DGKB: variants seen among roughly 807,000 people sequenced by gnomAD.
DGKB encodes the protein diacylglycerol kinase beta.
DGKB carries 67 observed loss-of-function variants against 114.3 expected under a neutral mutation model. The observed-to-expected ratio is 0.59, with a 90% CI of 0.48 to 0.72. The LOEUF (loss-of-function observed/expected upper bound fraction) is 0.72. Among genes scored for constraint, DGKB ranks in the 30% least tolerant of loss-of-function variants. The pLI is 0.00. For synonymous variants in DGKB, 398 were observed against 323.1 expected (o/e 1.23, Z -2.49); for missense variants, 907 against 975.2 (o/e 0.93, Z 0.93).
At chr7:14,644,691 T>A (rs1456293397) in intron 13 of DGKB, among the ~76,000 whole-genome samples, 1 of 152,062 alleles carries the variant, frequency 6.6e-6, no homozygotes, top group Non-Finnish European at 1.5e-5. Context: ...GTGAAGAAAC[T>A]CTATGTACAT....
At chr7:14,623,865 C>T (rs1198332510) in intron 14 of DGKB, among the ~76,000 whole-genome samples, 1 of 152,042 alleles carries the variant, frequency 6.6e-6, no homozygotes, top group East Asian at 1.9e-4. Context: ...AATCAGAATG[C>T]CTGAGTTGAA....
At chr7:14,378,792 G>A (rs1482007042) in intron 21 of DGKB, among the ~76,000 whole-genome samples, 1 of 151,936 alleles carries the variant, frequency 6.6e-6, no homozygotes, top group South Asian at 2.1e-4. Flanking sequence ...AATCAACAGT[G>A]TACTTAAAAA....
At chr7:14,881,292 T>C (rs2128213493) in intron 1 of DGKB, among the ~76,000 whole-genome samples, 1 of 152,276 alleles carries the variant, frequency 6.6e-6, no homozygotes, top group African/African-American at 2.4e-5. Flanking sequence ...TATAAATTGA[T>C]TGCTCTTATT....
At chr7:14,345,013 CCTTT>C (rs1812246287) in intron 22 of DGKB, among the ~76,000 whole-genome samples, 1 of 151,646 alleles carries the variant, frequency 6.6e-6, no homozygotes, top group African/African-American at 2.4e-5. Context: ...TTTTATCTTA[CCTTT>C]CTATCTGCAC....
intron 23 of DGKB, among the ~76,000 whole-genome samples, chr7:14,180,825 C>T (rs1782530355): frequency 6.6e-6 from 1 of 152,050 alleles, no homozygotes; most frequent in African/African-American, 2.4e-5. Context: ...ATGTGGTATC[C>T]TTTGGAACAT....
intron 20 of DGKB, among the ~76,000 whole-genome samples, chr7:14,527,350 T>A (rs990195943): frequency 6.6e-6 from 1 of 152,148 alleles, no homozygotes; most frequent in Admixed American, 6.6e-5. Context: ...CCTAGATAAA[T>A]ATTTGAAAAC....
intron 15 of DGKB, among the ~76,000 whole-genome samples, chr7:14,618,491 TTC>T (rs753423996): frequency 1.6e-4 from 25 of 151,794 alleles, no homozygotes; most frequent in Non-Finnish European, 3.4e-4. Context: ...AAAACAATTG[TTC>T]TGTTTTTCTC....
At chr7:14,418,098 T>G (rs1360107112) in intron 21 of DGKB, among the ~76,000 whole-genome samples, 1 of 148,206 alleles carries the variant, frequency 6.7e-6, no homozygotes, top group Admixed American at 6.9e-5. Context: ...CAGCCTCTGA[T>G]TATAATGCTT....
intron 23 of DGKB, among the ~76,000 whole-genome samples, chr7:14,315,596 A>T (rs938354782): frequency 7.4e-5 from 11 of 148,494 alleles, no homozygotes; most frequent in Middle Eastern, 3.5e-3. Flanking sequence ...TCCTAAATAT[A>T]TATGCACCCA....
intron 1 of DGKB, among the ~76,000 whole-genome samples, chr7:14,948,664 A>G (rs990194430): frequency 5.9e-5 from 9 of 151,968 alleles, no homozygotes; most frequent in Non-Finnish European, 1.2e-4. Flanking sequence ...TTCTGTCAGG[A>G]AGTAGATATT....
chr7:14,895,104 A>C (rs1480430946), intron 1 of DGKB, among the ~76,000 whole-genome samples: 2 of 151,612 alleles, frequency 1.3e-5, no homozygotes, highest in Non-Finnish European at 3.0e-5. Context: ...AATGACAGGC[A>C]AGAGAAGTTA....
chr7:14,693,660 C>T (rs1381248206), intron 9 of DGKB, among the ~76,000 whole-genome samples: 1 of 151,480 alleles, frequency 6.6e-6, no homozygotes, highest in African/African-American at 2.4e-5. Context: ...CTGCCTCCTC[C>T]AAGTATCAGT....
chr7:14,699,837 T>C (rs1271756386), intron 7 of DGKB, among the ~76,000 whole-genome samples: 1 of 152,088 alleles, frequency 6.6e-6, no homozygotes, highest in Non-Finnish European at 1.5e-5. Flanking sequence ...TTGTTTAATA[T>C]TGGGACTATA....
rs186834084 is a variant in DGKB at position 14,948,439 on chromosome 7, C to T, written c.-188+26257G>A. 1.3e-3 allele frequency among the ~76,000 whole-genome samples: 203 copies of T among 151,710 alleles called. 2 individuals carry two copies. Among genetic ancestry groups the T allele is most frequent in the African/African-American group, 4.6e-3 (190 of 41,474 alleles). ...AGGAAATTTCTGAAGCTTAAAACAA[C>T]GGCAACGAATTGAGCAGTGATACAA... On this transcript the variant is annotated intron_variant, in intron 1 of 4. Transcript: ENST00000437998.
chr7:14,910,299 A>T (rs1334546304), intron 1 of DGKB, among the ~76,000 whole-genome samples: 2 of 137,980 alleles, frequency 1.4e-5, no homozygotes, highest in African/African-American at 2.7e-5. Context: ...AGAAAGAAAG[A>T]AAGAAAGAAA....
At position 14,213,021 on chromosome 7, in the gene DGKB, A is replaced by T. The variant is rs115095727; in HGVS notation, c.2123-34870T>A. Reference sequence around the variant, plus strand: ...TACACAGAGGTAATACTAATTATGAAATATATTCATTCAAATTTTTGTCTA... The same window carrying T: ...TACACAGAGGTAATACTAATTATGATATATATTCATTCAAATTTTTGTCTA... On this transcript the variant is annotated intron_variant, in intron 23 of 25. Coordinates refer to ENST00000402815, the MANE Select transcript of DGKB (RefSeq NM_001350709.2). Among the ~76,000 whole-genome samples, 760 of 152,216 alleles carry T rather than the reference A, an allele frequency of 5.0e-3. 2 individuals are homozygous for T. The highest frequency in any genetic ancestry group is 0.01 in the Middle Eastern group (3 of 294).
chr7:14,448,285 T>C (rs1410804270), intron 21 of DGKB, among the ~76,000 whole-genome samples: 1 of 151,852 alleles, frequency 6.6e-6, no homozygotes, highest in Non-Finnish European at 1.5e-5. Context: ...ATGCAGAAAG[T>C]GGAATTAAAG....
chr7:14,436,426 T>C (rs1318323650), intron 21 of DGKB, among the ~76,000 whole-genome samples: 2 of 152,076 alleles, frequency 1.3e-5, no homozygotes, highest in African/African-American at 2.4e-5. Context: ...ATGGGTGTTG[T>C]TTTTCCTCTG....
At chr7:14,342,902 C>A (rs2128586333) in intron 22 of DGKB, among the ~76,000 whole-genome samples, 1 of 151,756 alleles carries the variant, frequency 6.6e-6, no homozygotes, top group South Asian at 2.1e-4. Flanking sequence ...GAAAAAGCTG[C>A]CAATAAAACA....
Sources: allele counts gnomAD v4.1 joint callset (sites outside exome capture counted in the v4.1 genomes callset), GRCh38; gene constraint gnomAD v4.1.1; transcripts MANE v1.5; gene names NCBI Gene and HGNC (gene_info 2026-07-23, HGNC 2026-07-21).